Variants in ME3 observed in about 807,000 individuals in gnomAD.
ME3 encodes NADP-dependent malic enzyme, mitochondrial.
In ME3, 48 loss-of-function variants were observed where a neutral mutation model predicts 68.9. The observed-to-expected ratio is 0.70, with a 90% CI of 0.55 to 0.89. The LOEUF (loss-of-function observed/expected upper bound fraction) is 0.89, where lower values mean the gene tolerates loss of function less well. Ranked by LOEUF, ME3 falls within the 40% of genes least tolerant of loss-of-function variation. The pLI, the probability that ME3 is intolerant of heterozygous loss-of-function variation, is 0.00. For synonymous variants in ME3, 320 were observed against 318.8 expected, an observed-to-expected ratio of 1.00 and a Z score of -0.04; for missense variants, 675 against 797.4, an observed-to-expected ratio of 0.85 and a Z score of 1.85.
At chr11:86,483,976 G>C (rs1951556088) in intron 7 of ME3, among the ~76,000 whole-genome samples, 2 of 152,190 alleles carry the variant, frequency 1.3e-5, no homozygotes, top group Admixed American at 1.3e-4. Flanking sequence ...GAAAGAGCGG[G>C]AAGAGTGGGG....
chr11:86,481,099 C>T (rs1475589675), intron 7 of ME3, among the ~76,000 whole-genome samples: 2 of 151,918 alleles, frequency 1.3e-5, no homozygotes, highest in East Asian at 3.9e-4. Flanking sequence ...TGGAGTGCAG[C>T]GATACCATCA....
chr11:86,574,673 A>G (rs922981978), intron 2 of ME3, among the ~76,000 whole-genome samples: 11 of 152,204 alleles, frequency 7.2e-5, no homozygotes, highest in Non-Finnish European at 1.5e-4. Flanking sequence ...CCTATGTGAC[A>G]TATGACTACA....
chr11:86,664,894 G>A (rs181205377), intron 2 of ME3, among the ~76,000 whole-genome samples: 5 of 152,304 alleles, frequency 3.3e-5, no homozygotes, highest in Admixed American at 1.3e-4. Context: ...TAATATCTCT[G>A]TGCTGTGCTC....
intron 2 of ME3, among the ~76,000 whole-genome samples, chr11:86,645,342 C>A (rs946247969): frequency 1.3e-5 from 2 of 152,226 alleles, no homozygotes; most frequent in Non-Finnish European, 2.9e-5. Flanking sequence ...GCACAGCAGT[C>A]TGAAGTCAAC....
intron 7 of ME3, among the ~76,000 whole-genome samples, chr11:86,470,500 G>A (rs1169088481): frequency 6.6e-6 from 1 of 152,120 alleles, no homozygotes; most frequent in African/African-American, 2.4e-5. Flanking sequence ...CTTAGAGAGA[G>A]GTTCTGTGGT....
chr11:86,660,383 G>A (rs1375183502), intron 2 of ME3, among the ~76,000 whole-genome samples: 1 of 152,222 alleles, frequency 6.6e-6, no homozygotes, highest in African/African-American at 2.4e-5. Context: ...GCTTTAGGAT[G>A]TGCATTAATC....
At chr11:86,558,504 G>A (rs890680004) in intron 3 of ME3, among the ~76,000 whole-genome samples, 2 of 152,186 alleles carry the variant, frequency 1.3e-5, no homozygotes, top group Non-Finnish European at 2.9e-5. Context: ...TCACCACTCA[G>A]AAGCAATGGA....
At chr11:86,586,574 G>T (rs1257029360) in intron 2 of ME3, among the ~76,000 whole-genome samples, 1 of 152,162 alleles carries the variant, frequency 6.6e-6, no homozygotes, top group African/African-American at 2.4e-5. Flanking sequence ...GGTGGAGAAG[G>T]TCTATAAGCT....
At chr11:86,665,916 A>T (rs968173898) in intron 2 of ME3, among the ~76,000 whole-genome samples, 1 of 152,220 alleles carries the variant, frequency 6.6e-6, no homozygotes, top group Non-Finnish European at 1.5e-5. Flanking sequence ...GGAAATTGGG[A>T]GATTAATTCA....
At chr11:86,461,670 C>G (rs892825922) in intron 8 of ME3, among the ~76,000 whole-genome samples, 5 of 152,182 alleles carry the variant, frequency 3.3e-5, no homozygotes, top group African/African-American at 7.2e-5. Flanking sequence ...GTGGCTCTCT[C>G]TCTCTGAGGC....
chr11:86,622,482 T>C (rs1450871809), intron 2 of ME3, among the ~76,000 whole-genome samples: 1 of 152,026 alleles, frequency 6.6e-6, no homozygotes. Context: ...CTGGTAGATC[T>C]GATAGATTAC....
At chr11:86,603,538 G>A (rs963166896) in intron 2 of ME3, among the ~76,000 whole-genome samples, 5 of 152,158 alleles carry the variant, frequency 3.3e-5, no homozygotes, top group Non-Finnish European at 5.9e-5. Context: ...ACAGTGTGGC[G>A]ATTCCTCAGG....
intron 4 of ME3, among the ~76,000 whole-genome samples, chr11:86,525,899 G>C (rs1475043680): frequency 6.6e-6 from 1 of 151,512 alleles, no homozygotes; most frequent in Admixed American, 6.6e-5. Flanking sequence ...GGAGCCAAGA[G>C]GGCCTAATAG....
chr11:86,606,140 C>A (rs1467899439), intron 2 of ME3, among the ~76,000 whole-genome samples: 3 of 152,178 alleles, frequency 2.0e-5, no homozygotes, highest in Non-Finnish European at 4.4e-5. Context: ...TCATGTGACC[C>A]TTACATAGCA....
Position 86,501,175 on chromosome 11 carries a change from T to TATAATA in ME3, c.544-3057_544-3052dup, listed in dbSNP as rs5793199. ...GAGCTTCAATTCTCCATAAAATGCA[T>TATAATA]ATAATAATAATAATAATAATACTTA... is the stretch of plus-strand genomic sequence containing the variant. On this transcript the variant is annotated intron_variant, in intron 5 of 14. Transcript: ENST00000543262. Among the ~76,000 whole-genome samples, 286 of 147,158 alleles carry TATAATA rather than the reference T, an allele frequency of 1.9e-3. 1 individual carries two copies. The highest frequency in any genetic ancestry group is 4.1e-3 in the South Asian group (19 of 4,638).
chr11:86,479,140 C>T (rs1951246330), intron 7 of ME3, among the ~76,000 whole-genome samples: 1 of 152,170 alleles, frequency 6.6e-6, no homozygotes, highest in Non-Finnish European at 1.5e-5. Context: ...AACAAAAAGG[C>T]AGAGGAAGGG....
intron 2 of ME3, among the ~76,000 whole-genome samples, chr11:86,651,273 T>C (rs959330059): frequency 5.3e-5 from 8 of 152,194 alleles, no homozygotes; most frequent in Non-Finnish European, 1.0e-4. Flanking sequence ...CAGCTTGAGA[T>C]CTGAGAATGG....
chr11:86,546,410 A>G (rs1417990270), intron 4 of ME3, among the ~76,000 whole-genome samples: 1 of 152,202 alleles, frequency 6.6e-6, no homozygotes, highest in Non-Finnish European at 1.5e-5. Flanking sequence ...TTTGCAATCT[A>G]TCCATCTGAC....
At chr11:86,488,071 TCAGGAGGCTGCGG>T (rs895216153) in intron 6 of ME3, among the ~76,000 whole-genome samples, 1 of 152,112 alleles carries the variant, frequency 6.6e-6, no homozygotes, top group African/African-American at 2.4e-5. Flanking sequence ...TCCCAGCTGC[TCAGGAGGCTGCGG>T]CAGGAGGCTC....
Sources: gnomAD v4.1 joint callset for allele counts (sites outside exome capture counted in the v4.1 genomes callset) on GRCh38, gnomAD v4.1.1 for gene constraint, MANE v1.5 for transcripts, NCBI Gene and HGNC (gene_info 2026-07-23, HGNC 2026-07-21) for gene names.